GCSAML: variants seen among roughly 807,000 people sequenced by gnomAD.
The protein encoded by GCSAML is germinal center-associated signaling and motility-like protein.
A neutral mutation model predicts 13.0 loss-of-function variants in GCSAML; 9 were observed. The ratio of observed to expected loss-of-function variants is 0.69; its 90% confidence interval spans 0.42 to 1.21. The LOEUF (loss-of-function observed/expected upper bound fraction) is 1.21. Among genes scored for constraint, GCSAML ranks in the 50% most tolerant of loss-of-function variants. GCSAML has a pLI of 0.00. For synonymous variants in GCSAML, 37 were observed against 52.9 expected, an observed-to-expected ratio of 0.70 and a Z score of 1.31; for missense variants, 143 against 153.4, an observed-to-expected ratio of 0.93 and a Z score of 0.36.
At position 247,527,973 on chromosome 1, in the gene GCSAML, A is replaced by G. The variant is rs989341112; in HGVS notation, c.-148+919A>G. ...ATCAACCCTTTTTTAGCTTTCACAG[A>G]TGAATGAGAACATGCAGTATTTAAC... On this transcript the variant is annotated intron_variant, in intron 2 of 5. Transcript: ENST00000366489. This position sits in a 1 kb window ranked among gnomAD's most constrained non-coding sequence, Gnocchi z 4.6. 6.6e-6 allele frequency: 1 copy of G among 152,142 alleles called. No homozygotes were observed. The highest frequency in any genetic ancestry group is 2.4e-5 in the African/African-American group (1 of 41,408). 9.4% of individuals were successfully genotyped at this position (152,142 alleles called of 1,614,324 possible).
intron 1 of GCSAML, among the ~76,000 whole-genome samples, chr1:247,549,992 C>G (rs1037764433): frequency 6.6e-6 from 1 of 152,154 alleles, no homozygotes; most frequent in Non-Finnish European, 1.5e-5. Flanking sequence ...CTCATCATAT[C>G]GCTCCTGTGC....
intron 1 of GCSAML, among the ~76,000 whole-genome samples, chr1:247,517,323 C>T (rs1482560943): frequency 2.0e-5 from 3 of 152,210 alleles, no homozygotes; most frequent in Non-Finnish European, 4.4e-5. Context: ...TGTCTTGTCT[C>T]TTTCCTATCT....
intron 2 of GCSAML, among the ~76,000 whole-genome samples, chr1:247,562,150 C>A (rs1286007942): frequency 6.6e-6 from 1 of 152,040 alleles, no homozygotes; most frequent in Non-Finnish European, 1.5e-5. Flanking sequence ...GGGTGCCTTA[C>A]GGGTCATAGG....
At position 247,552,551 on chromosome 1, in the gene GCSAML, C is replaced by T. The variant is rs899954278; in HGVS notation, c.29+3331C>T. ...GGGTGAAGTAAATGTAGACATCGCC[C>T]ATGGGCAGTGTCCATCACATACCCT... On this transcript the variant is annotated intron_variant, in intron 1 of 4. Coordinates refer to ENST00000366488, the MANE Select transcript of GCSAML (RefSeq NM_145278.5). Among the ~76,000 whole-genome samples, 17 of 152,312 alleles carry T rather than the reference C, an allele frequency of 1.1e-4. No homozygotes were observed. The East Asian group carries it at 3.3e-3, about 29-fold the overall frequency.
At chr1:247,533,711 A>G (rs1667102254) in intron 2 of GCSAML, 1 of 152,222 alleles carries the variant, frequency 6.6e-6, no homozygotes, top group Non-Finnish European at 1.5e-5. Context: ...GAACCTAAGC[A>G]TAAAAATGGG....
At chr1:247,517,720 G>A (rs1215728081) in intron 1 of GCSAML, among the ~76,000 whole-genome samples, 1 of 152,152 alleles carries the variant, frequency 6.6e-6, no homozygotes, top group East Asian at 1.9e-4. Flanking sequence ...TTCAGTGCTA[G>A]ATAACCAGCA....
At chr1:247,531,633 C>G (rs1378884125) in intron 2 of GCSAML, 1 of 1,614,172 alleles carries the variant, frequency 6.2e-7, no homozygotes, top group Admixed American at 1.7e-5. Context: ...CCGTGTTCCT[C>G]AGGGTGTAAA....
chr1:247,566,670 C>T (rs1414747294), intron 4 of GCSAML, among the ~76,000 whole-genome samples: 1 of 152,090 alleles, frequency 6.6e-6, no homozygotes, highest in Non-Finnish European at 1.5e-5. Flanking sequence ...ATCCTTATAT[C>T]CAGGAATTAG....
At chr1:247,535,786 A>G (rs1157779401) in intron 2 of GCSAML, among the ~76,000 whole-genome samples, 1 of 152,216 alleles carries the variant, frequency 6.6e-6, no homozygotes, top group Non-Finnish European at 1.5e-5. Flanking sequence ...GATTCTTAGT[A>G]CAAAAATAGC....
In GCSAML at chr1:247,520,885, A is replaced by G. The variant is rs117913301; in HGVS notation, c.-262-6055A>G. Among the ~76,000 whole-genome samples the G allele has an allele frequency of 4.2e-4, 64 of 152,336 alleles. No individual in the cohort carries two copies. The East Asian group carries it at 4.8e-3, about 11-fold the overall frequency. On this transcript the variant is annotated intron_variant, in intron 1 of 5. Transcript: ENST00000366489. ...TTTATCTTCTGATTTCCGAAAGGGAAAAGAAGTTTGTTGCAATCTTCTGTG... is the reference window on the plus strand; with the variant it reads ...TTTATCTTCTGATTTCCGAAAGGGAGAAGAAGTTTGTTGCAATCTTCTGTG...
intron 2 of GCSAML, among the ~76,000 whole-genome samples, chr1:247,542,740 A>T (rs935025180): frequency 1.3e-5 from 2 of 152,272 alleles, no homozygotes; most frequent in African/African-American, 4.8e-5. Context: ...TCTACAAAGA[A>T]TGTCATGAAT....
At chr1:247,569,119 A>AT (rs1213746466) in intron 4 of GCSAML, among the ~76,000 whole-genome samples, 2 of 152,154 alleles carry the variant, frequency 1.3e-5, no homozygotes, top group African/African-American at 4.8e-5. Flanking sequence ...AGACGATGTG[A>AT]TTTTCTAAAC....
chr1:247,539,941 C>G (rs1375954180), intron 2 of GCSAML, among the ~76,000 whole-genome samples: 2 of 152,166 alleles, frequency 1.3e-5, no homozygotes, highest in Admixed American at 6.5e-5. Flanking sequence ...CCTCTCTGAT[C>G]CCACTTCCCA....
chr1:247,560,215 G>T (rs1360532919), intron 2 of GCSAML, among the ~76,000 whole-genome samples: 1 of 152,184 alleles, frequency 6.6e-6, no homozygotes. Flanking sequence ...TAACTGAGTG[G>T]CTGAATTCCC....
At chr1:247,554,262 A>AT (rs1265429150) in intron 1 of GCSAML, among the ~76,000 whole-genome samples, 3 of 152,164 alleles carry the variant, frequency 2.0e-5, no homozygotes, top group African/African-American at 7.2e-5. Context: ...GATATTATTC[A>AT]TTTTAAGCCA....
chr1:247,558,842 G>C (rs1668034609), intron 2 of GCSAML, among the ~76,000 whole-genome samples: 1 of 152,070 alleles, frequency 6.6e-6, no homozygotes, highest in African/African-American at 2.4e-5. Context: ...TTGGACCTGA[G>C]TAGTTTTTAA....
chr1:247,513,432 A>G (rs1373021988), intron 1 of GCSAML, among the ~76,000 whole-genome samples: 1 of 152,196 alleles, frequency 6.6e-6, no homozygotes, highest in Non-Finnish European at 1.5e-5. Context: ...AGTGGATCTT[A>G]GCTTGCTGGG....
intron 1 of GCSAML, among the ~76,000 whole-genome samples, chr1:247,513,695 G>C (rs572632149): frequency 7.9e-5 from 12 of 152,212 alleles, no homozygotes; most frequent in Non-Finnish European, 1.8e-4. Flanking sequence ...GAAAATCATA[G>C]TATCTGGGGC....
At chr1:247,564,815 T>C (rs921917577) in intron 3 of GCSAML, among the ~76,000 whole-genome samples, 2 of 152,154 alleles carry the variant, frequency 1.3e-5, no homozygotes, top group Non-Finnish European at 2.9e-5. Flanking sequence ...GCTAGCCATA[T>C]GGAGAGGATA....
Sources: gnomAD v4.1 joint callset for allele counts (sites outside exome capture counted in the v4.1 genomes callset) on GRCh38, gnomAD v4.1.1 for gene constraint, Gnocchi (gnomAD v3.1) non-coding constraint, MANE v1.5 for transcripts, NCBI Gene and HGNC (gene_info 2026-07-23, HGNC 2026-07-21) for gene names.